EMCN: variants seen among roughly 807,000 people sequenced by gnomAD.
EMCN encodes MUC-14.
Under a neutral mutation model 38.4 loss-of-function variants are expected in EMCN, and 37 were observed. The observed-to-expected ratio is 0.96, with a 90% CI of 0.74 to 1.27. EMCN has a LOEUF of 1.27. Among genes scored for constraint, EMCN ranks in the 50% most tolerant of loss-of-function variants. The pLI, the probability that EMCN is intolerant of heterozygous loss-of-function variation, is 0.00. For missense variants in EMCN, 318 were observed against 302.8 expected (o/e 1.05, Z -0.37); for synonymous variants, 95 against 100.8 (o/e 0.94, Z 0.35).
intron 3 of EMCN, among the ~76,000 whole-genome samples, chr4:100,468,705 A>G (rs1728390870): frequency 6.6e-6 from 1 of 152,094 alleles, no homozygotes; most frequent in African/African-American, 2.4e-5. Context: ...AAAGAGCTGC[A>G]CACTGAAAAC....
intron 2 of EMCN, among the ~76,000 whole-genome samples, chr4:100,475,658 CCTTTTTTTTTTTTTTTT>C: frequency 9.3e-6 from 1 of 108,104 alleles, no homozygotes; most frequent in Admixed American, 1.1e-4. Context: ...CAATTCTAGT[CCTTTTTTTTTTTTTTTT>C]TTTTTTTTTT....
chr4:100,462,879 C>T (rs1045302953), intron 4 of EMCN, among the ~76,000 whole-genome samples: 1 of 152,094 alleles, frequency 6.6e-6, no homozygotes, highest in African/African-American at 2.4e-5. Flanking sequence ...AAAAAAGAGA[C>T]AATTTATGTT....
chr4:100,477,286 T>G (rs552041714), intron 2 of EMCN, among the ~76,000 whole-genome samples: 52 of 152,376 alleles, frequency 3.4e-4, no homozygotes, highest in African/African-American at 1.2e-3. Context: ...TCAAGTTTCT[T>G]TTTTATCCTA....
intron 5 of EMCN, among the ~76,000 whole-genome samples, chr4:100,438,653 C>A (rs1727422545): frequency 6.6e-6 from 1 of 151,882 alleles, no homozygotes. Flanking sequence ...GCATCCTTAC[C>A]TAGTACTGGA....
chr4:100,418,543 A>G (rs772801063), intron 8 of EMCN, among the ~76,000 whole-genome samples: 3 of 151,932 alleles, frequency 2.0e-5, no homozygotes, highest in Non-Finnish European at 4.4e-5. Context: ...CTTCCCCTCC[A>G]CTACCCTTCC....
At chr4:100,423,254 T>C in intron 6 of EMCN, 58 bp downstream of exon 6, 1 of 1,428,190 alleles carries the variant, frequency 7.0e-7, no homozygotes. Flanking sequence ...TTGTTAGGGT[T>C]TCAGTCAAGA....
intron 1 of EMCN, among the ~76,000 whole-genome samples, chr4:100,501,959 G>C (rs995025565): frequency 4.6e-5 from 7 of 152,052 alleles, no homozygotes; most frequent in African/African-American, 1.7e-4. Flanking sequence ...CTAGTGCTAA[G>C]GAAATTGAAG....
chr4:100,452,341 G>C (rs1727866721), intron 4 of EMCN, among the ~76,000 whole-genome samples: 2 of 151,908 alleles, frequency 1.3e-5, no homozygotes. Flanking sequence ...GATTATAAAT[G>C]TTATTAAGAA....
intron 1 of EMCN, among the ~76,000 whole-genome samples, chr4:100,488,265 G>A (rs1005455901): frequency 9.9e-5 from 15 of 152,110 alleles, no homozygotes; most frequent in African/African-American, 3.6e-4. Flanking sequence ...CATATCAAGG[G>A]GAAGCTTGTA....
chr4:100,511,836 TA>T (rs3841994), intron 1 of EMCN, among the ~76,000 whole-genome samples: 31 of 146,928 alleles, frequency 2.1e-4, no homozygotes, highest in African/African-American at 2.2e-4. Flanking sequence ...AGACAGTTTA[TA>T]AAAAAAAAAA....
At chr4:100,505,922 G>A (rs143287282) in intron 1 of EMCN, among the ~76,000 whole-genome samples, 8 of 152,206 alleles carry the variant, frequency 5.3e-5, no homozygotes, top group South Asian at 2.1e-4. Context: ...TGAAAATTTA[G>A]TTGTCCACAA....
At chr4:100,502,830 G>C (rs1297849707) in intron 1 of EMCN, among the ~76,000 whole-genome samples, 1 of 152,002 alleles carries the variant, frequency 6.6e-6, no homozygotes, top group African/African-American at 2.4e-5. Flanking sequence ...GCTTCAATGA[G>C]ATTATCATAT....
intron 1 of EMCN, among the ~76,000 whole-genome samples, chr4:100,500,525 C>G (rs992786182): frequency 1.3e-5 from 2 of 152,126 alleles, no homozygotes; most frequent in Admixed American, 6.5e-5. Flanking sequence ...TTCCACTACT[C>G]TAGAGGTAAC....
intron 4 of EMCN, among the ~76,000 whole-genome samples, chr4:100,448,814 T>C (rs10020658): frequency 2.3e-5 from 3 of 132,524 alleles, no homozygotes; most frequent in Admixed American, 7.6e-5. Context: ...CTTCCTTCCT[T>C]CCTTCCTTCC....
intron 1 of EMCN, among the ~76,000 whole-genome samples, chr4:100,503,162 C>T (rs1276945926): frequency 6.6e-6 from 1 of 151,850 alleles, no homozygotes; most frequent in Admixed American, 6.6e-5. Flanking sequence ...TGTATAACTT[C>T]CATGTGACAC....
chr4:100,460,212 T>C (rs1560624442), intron 4 of EMCN, among the ~76,000 whole-genome samples: 1 of 152,186 alleles, frequency 6.6e-6, no homozygotes, highest in Non-Finnish European at 1.5e-5. Context: ...CTGTTGGCCA[T>C]TTGTATGTCT....
intron 1 of EMCN, among the ~76,000 whole-genome samples, chr4:100,495,556 A>C (rs755006749): frequency 6.6e-6 from 1 of 152,134 alleles, no homozygotes; most frequent in Admixed American, 6.5e-5. Flanking sequence ...AGACAAATTC[A>C]TGCCAGAACA....
At chr4:100,434,554 C>G (rs1315236941) in intron 5 of EMCN, among the ~76,000 whole-genome samples, 1 of 152,100 alleles carries the variant, frequency 6.6e-6, no homozygotes, top group Non-Finnish European at 1.5e-5. Context: ...ATACCAAAAC[C>G]TGGCAGAGAT....
rs115383463 is a variant in EMCN, at chr4:100,479,681, A to G, written c.187+236T>C. On this transcript the variant is annotated intron_variant, in intron 2 of 11. Coordinates refer to ENST00000296420, the MANE Select transcript of EMCN (RefSeq NM_016242.4). Reference sequence around the variant, plus strand: ...AAACTTTGTGTATGTAACATTCACAATAGAATCATTCTCAAACAGGTTGTG... The same window carrying G: ...AAACTTTGTGTATGTAACATTCACAGTAGAATCATTCTCAAACAGGTTGTG... Among the ~76,000 whole-genome samples, 844 of 152,254 alleles carry G rather than the reference A, an allele frequency of 5.5e-3. 3 individuals carry two copies. Among genetic ancestry groups the G allele is most frequent in the Middle Eastern group, 0.014 (4 of 294 alleles).
Sources: allele counts gnomAD v4.1 joint callset (sites outside exome capture counted in the v4.1 genomes callset), GRCh38; gene constraint gnomAD v4.1.1; transcripts MANE v1.5; gene names NCBI Gene and HGNC (gene_info 2026-07-23, HGNC 2026-07-21).